The following PTPN9 variants were observed in gnomAD, a reference collection of about 807,000 sequenced individuals.
PTPN9 encodes protein tyrosine phosphatase non-receptor type 9.
In PTPN9, 26 loss-of-function variants were observed where a neutral mutation model predicts 69.8. The observed-to-expected ratio is 0.37, with a 90% confidence interval of 0.27 to 0.52. The LOEUF (loss-of-function observed/expected upper bound fraction) is 0.52, where lower values mean the gene tolerates loss of function less well. PTPN9 is among the 20% of genes least tolerant of loss of function. The pLI is 0.91. For missense variants in PTPN9, 549 were observed against 740.3 expected (o/e 0.74, Z 3.00); for synonymous variants, 274 against 272.5 (o/e 1.01, Z -0.05).
At chr15:75,481,991 C>T (rs1261021754) in intron 8 of PTPN9, among the ~76,000 whole-genome samples, 2 of 145,480 alleles carry the variant, frequency 1.4e-5, no homozygotes, top group Admixed American at 6.9e-5. Flanking sequence ...GCCAGGATGA[C>T]AATGGCGGCT....
At position 75,464,595 on chromosome 15, in the gene PTPN9, C is replaced by T. The variant is rs2074529446; in HGVS notation, c.*4174G>A. 2 of 152,064 alleles carry T rather than the reference C, an allele frequency of 1.3e-5. No individual in the cohort carries two copies. The highest frequency in any genetic ancestry group is 4.8e-5 in the African/African-American group (2 of 41,392). The allele number at this position is 152,064 out of a possible 1,614,324, so 9.4% of individuals were successfully genotyped here. The stretch of plus-strand genomic sequence containing the variant: ...GGGAACCTAGGACTTGGGTTTGGTT[C>T]AGTGGTAAGACCTCAAAACCACAAA... On this transcript the variant is annotated 3_prime_UTR_variant, in exon 13 of 13. Coordinates refer to ENST00000618819, the MANE Select transcript of PTPN9 (RefSeq NM_002833.4).
chr15:75,479,727 G>A, intron 9 of PTPN9, 121 bp downstream of exon 9: 1 of 778,362 alleles, frequency 1.3e-6, no homozygotes, highest in East Asian at 2.8e-5. Flanking sequence ...TAAAAGGCCA[G>A]GATCTAGTGG....
At chr15:75,564,212 A>G (rs2141342420) in intron 1 of PTPN9, among the ~76,000 whole-genome samples, 1 of 152,142 alleles carries the variant, frequency 6.6e-6, no homozygotes, top group African/African-American at 2.4e-5. Flanking sequence ...CAGCCTCCCA[A>G]AGTGTTGGAA....
intron 8 of PTPN9, chr15:75,480,689 C>A: frequency 7.8e-7 from 1 of 1,286,688 alleles, no homozygotes; most frequent in Non-Finnish European, 1.0e-6. Context: ...CGCGACCGAC[C>A]GCAGCCACCG....
chr15:75,477,922 C>A (rs2074605764), intron 9 of PTPN9, among the ~76,000 whole-genome samples: 1 of 149,076 alleles, frequency 6.7e-6, no homozygotes, highest in Non-Finnish European at 1.5e-5. Flanking sequence ...TCCACTGCAA[C>A]CTCTGCCTCC....
chr15:75,508,858 T>G (rs942615297), intron 6 of PTPN9, 59 bp downstream of exon 6: 14 of 1,289,942 alleles, frequency 1.1e-5, no homozygotes, highest in African/African-American at 2.9e-5. Context: ...AGAAAATTAA[T>G]TGGCAGGAAT....
intron 5 of PTPN9, among the ~76,000 whole-genome samples, chr15:75,513,691 CG>C (rs958925283): frequency 4.0e-5 from 6 of 149,966 alleles, no homozygotes; most frequent in African/African-American, 1.2e-4. Flanking sequence ...CACTTGAACC[CG>C]GGAGGCGGAG....
chr15:75,504,542 G>A (rs952959794), intron 7 of PTPN9, among the ~76,000 whole-genome samples: 120 of 137,684 alleles, frequency 8.7e-4, no homozygotes, highest in Non-Finnish European at 1.9e-4. Context: ...CCAGCCAGCC[G>A]CCCCGTCCAG....
At chr15:75,472,984 G>A (rs1373987967) in intron 10 of PTPN9, among the ~76,000 whole-genome samples, 2 of 151,838 alleles carry the variant, frequency 1.3e-5, no homozygotes, top group African/African-American at 4.8e-5. Flanking sequence ...CAAATGGAGA[G>A]CAAAGGGAAT....
At chr15:75,498,200 AAT>A (rs370709844) in intron 7 of PTPN9, among the ~76,000 whole-genome samples, 3 of 151,544 alleles carry the variant, frequency 2.0e-5, no homozygotes, top group African/African-American at 2.4e-5. Flanking sequence ...ATCTCAGAGA[AAT>A]ATATATATAT....
At chr15:75,559,877 T>C (rs1185809181) in intron 1 of PTPN9, among the ~76,000 whole-genome samples, 1 of 152,018 alleles carries the variant, frequency 6.6e-6, no homozygotes, top group Non-Finnish European at 1.5e-5. Flanking sequence ...CGATGGCTCA[T>C]GCTTGTAATC....
At chr15:75,549,894 A>G (rs1457280970) in intron 1 of PTPN9, among the ~76,000 whole-genome samples, 3 of 152,074 alleles carry the variant, frequency 2.0e-5, no homozygotes, top group African/African-American at 7.2e-5. Flanking sequence ...GGATTGCTTA[A>G]GCATGGGAAG....
intron 9 of PTPN9, among the ~76,000 whole-genome samples, chr15:75,478,387 G>A (rs1159918955): frequency 6.6e-6 from 1 of 152,168 alleles, no homozygotes; most frequent in Non-Finnish European, 1.5e-5. Context: ...TTACAGGTGT[G>A]AGCCATTGTG....
chr15:75,471,691 G>C (rs1378102611), intron 10 of PTPN9, among the ~76,000 whole-genome samples: 1 of 151,192 alleles, frequency 6.6e-6, no homozygotes, highest in African/African-American at 2.4e-5. Flanking sequence ...CAAGGTGGCG[G>C]ATCACCTGAG....
In PTPN9 at chr15:75,514,223, G is replaced by A. The variant is rs1042351332; in HGVS notation, c.528+3036C>T. ...GGAATGATTTCTTCCTAGTTAGACC[G>A]CCAGTGTTGCATGGTAACCACACCC... On this transcript the variant is annotated intron_variant, in intron 5 of 12. Transcript: ENST00000618819. Among the ~76,000 whole-genome samples the A allele has an allele frequency of 7.4e-5, 11 of 148,074 alleles. No individual in the cohort carries two copies. In the East Asian group the frequency reaches 9.9e-4, roughly 13 times the overall value.
At chr15:75,508,376 A>G (rs942395637) in intron 6 of PTPN9, among the ~76,000 whole-genome samples, 6 of 152,164 alleles carry the variant, frequency 3.9e-5, no homozygotes, top group African/African-American at 1.4e-4. Flanking sequence ...GAATTAAAGT[A>G]ATTTTGAACG....
chr15:75,533,602 A>G (rs2074971911), intron 1 of PTPN9, among the ~76,000 whole-genome samples: 1 of 152,154 alleles, frequency 6.6e-6, no homozygotes, highest in South Asian at 2.1e-4. Flanking sequence ...AAAGCATACT[A>G]TAATTATCTA....
In PTPN9 at chr15:75,523,108, T is replaced by G. The variant is rs747303543; in HGVS notation, c.422+13A>C. On this transcript the variant is annotated intron_variant, in intron 4 of 12. Transcript: ENST00000618819. ...TGCATGTAGAATACCTAAAAAATAA[T>G]CTCAATGCTTACCTATCCACAGCTC... 2.8e-5 allele frequency: 45 copies of G among 1,605,384 alleles called. No individual in the cohort carries two copies. Among genetic ancestry groups the G allele is most frequent in the Non-Finnish European group, 3.8e-5 (45 of 1,178,020 alleles).
chr15:75,576,151 G>C (rs1043671690), intron 1 of PTPN9, among the ~76,000 whole-genome samples: 25 of 151,684 alleles, frequency 1.6e-4, no homozygotes, highest in African/African-American at 3.6e-4. Flanking sequence ...AGAATCGCTT[G>C]AATCAGGGAG....
Sources: gnomAD v4.1 joint callset for allele counts (sites outside exome capture counted in the v4.1 genomes callset) on GRCh38, gnomAD v4.1.1 for gene constraint, MANE v1.5 for transcripts, NCBI Gene and HGNC (gene_info 2026-07-23, HGNC 2026-07-21) for gene names.